Variants in EEF2K observed in about 807,000 individuals in gnomAD.
EEF2K encodes alternative protein EEF2K.
EEF2K carries 70 observed loss-of-function variants against 93.8 expected under a neutral mutation model. The observed-to-expected ratio is 0.75, with a 90% CI of 0.62 to 0.91. EEF2K has a LOEUF of 0.91. Among genes scored for constraint, EEF2K ranks in the 40% least tolerant of loss-of-function variants. The probability of loss-of-function intolerance (pLI) is 0.00; values close to 1 mark genes in which losing one functional copy is unlikely to be tolerated. For synonymous variants in EEF2K, 376 were observed against 380.8 expected (o/e 0.99, Z 0.15); for missense variants, 935 against 972.9 (o/e 0.96, Z 0.52).
At chr16:22,241,813 T>A (rs927044603) in intron 2 of EEF2K, among the ~76,000 whole-genome samples, 13 of 152,036 alleles carry the variant, frequency 8.6e-5, no homozygotes, top group African/African-American at 2.9e-4. Context: ...AGGCTTTATT[T>A]TTTGAACTCT....
intron 1 of EEF2K, among the ~76,000 whole-genome samples, chr16:22,208,379 TG>T (rs1248214403): frequency 1.3e-5 from 2 of 152,046 alleles, no homozygotes; most frequent in African/African-American, 4.8e-5. Context: ...AAAAATTAGC[TG>T]GGCATGTTGG....
chr16:22,277,261 C>T (rs1425678682), intron 16 of EEF2K, among the ~76,000 whole-genome samples: 2 of 152,058 alleles, frequency 1.3e-5, no homozygotes, highest in East Asian at 1.9e-4. Flanking sequence ...CTCAGCCTCT[C>T]GAGTAGCTGG....
rs1489802903 is a variant in EEF2K, at chr16:22,249,178, C to G, written c.408+363C>G. Among the ~76,000 whole-genome samples, 3 of 151,454 alleles carry G rather than the reference C, an allele frequency of 2.0e-5. No homozygotes were observed. In the East Asian group the frequency reaches 5.8e-4, roughly 29 times the overall value. ...AGAGACATGGGTTCCACTATGTTGC[C>G]CAGGCTGGTCTCAAACTCCTGGGCT... On this transcript the variant is annotated intron_variant, in intron 4 of 17. Transcript: ENST00000263026.
chr16:22,247,840 CTA>C (rs2047310640), intron 3 of EEF2K, among the ~76,000 whole-genome samples: 1 of 152,094 alleles, frequency 6.6e-6, no homozygotes, highest in African/African-American at 2.4e-5. Flanking sequence ...CTTCTCCTGT[CTA>C]GACTCAGAGA....
At chr16:22,217,253 G>A (rs1198218506) in intron 1 of EEF2K, among the ~76,000 whole-genome samples, 1 of 145,062 alleles carries the variant, frequency 6.9e-6, no homozygotes, top group East Asian at 2.2e-4. Context: ...AGAGAGATGC[G>A]AAGGATAACA....
At chr16:22,244,185 C>T (rs1055569464) in intron 2 of EEF2K, among the ~76,000 whole-genome samples, 17 of 151,612 alleles carry the variant, frequency 1.1e-4, no homozygotes, top group African/African-American at 3.6e-4. Context: ...GCCAAGATCA[C>T]ATCACTGCAC....
At chr16:22,257,596 C>T (rs369650603) in intron 8 of EEF2K, 47 bp from the exon 9 acceptor site, 40 of 1,599,960 alleles carry the variant, frequency 2.5e-5, no homozygotes, top group African/African-American at 1.9e-4. Flanking sequence ...GCCTGTCCCC[C>T]GTCACAGAGC....
rs1293979221 is a variant in EEF2K, at chr16:22,242,531, C to T, written c.247-2099C>T. On this transcript the variant is annotated intron_variant, in intron 2 of 17. Coordinates refer to ENST00000263026, the MANE Select transcript of EEF2K (RefSeq NM_013302.5). ...TTCACCACGTTGGCCAGGCTGGTCT[C>T]GAGCTCCTGACCTTGGATGATCCAT... 2.0e-5 allele frequency among the ~76,000 whole-genome samples: 3 copies of T among 151,524 alleles called. No homozygotes were observed. In the South Asian group the frequency reaches 6.2e-4, roughly 32 times the overall value.
intron 15 of EEF2K, among the ~76,000 whole-genome samples, chr16:22,267,586 TC>T (rs961265240): frequency 1.1e-4 from 17 of 149,324 alleles, no homozygotes; most frequent in African/African-American, 3.8e-4. Context: ...CAGAGTGAGA[TC>T]CTGTCTCCAA....
intron 1 of EEF2K, among the ~76,000 whole-genome samples, chr16:22,220,206 C>T (rs573176223): frequency 6.6e-6 from 1 of 152,314 alleles, no homozygotes; most frequent in African/African-American, 2.4e-5. Context: ...AAACAGATGA[C>T]ACTCACTTAG....
At chr16:22,253,530 C>T (rs900285546) in intron 6 of EEF2K, among the ~76,000 whole-genome samples, 3 of 152,084 alleles carry the variant, frequency 2.0e-5, no homozygotes, top group Admixed American at 1.3e-4. Flanking sequence ...CTTGTGTCAC[C>T]GTAATTCTTG....
intron 1 of EEF2K, 132 bp from the exon 2 acceptor site, chr16:22,225,522 C>G: frequency 1.4e-6 from 1 of 690,330 alleles, no homozygotes; most frequent in Non-Finnish European, 2.3e-6. Flanking sequence ...ACTGCCTCCC[C>G]AAAAGATAGC....
intron 2 of EEF2K, among the ~76,000 whole-genome samples, chr16:22,234,627 C>T (rs550669700): frequency 2.4e-4 from 36 of 152,100 alleles, no homozygotes; most frequent in African/African-American, 8.7e-4. Context: ...TATTCAAAGC[C>T]TTTGAGTATA....
chr16:22,240,896 A>C (rs2047215285), intron 2 of EEF2K, among the ~76,000 whole-genome samples: 1 of 151,934 alleles, frequency 6.6e-6, no homozygotes, highest in Non-Finnish European at 1.5e-5. Context: ...CAGCCTCCCA[A>C]GTAGCTGGGA....
chr16:22,277,597 C>A (rs1472425221), intron 16 of EEF2K, among the ~76,000 whole-genome samples: 1 of 152,196 alleles, frequency 6.6e-6, no homozygotes, highest in African/African-American at 2.4e-5. Context: ...GGGTCTCCTG[C>A]CTTCATGGGG....
intron 2 of EEF2K, among the ~76,000 whole-genome samples, chr16:22,233,877 G>A (rs1453282805): frequency 1.3e-5 from 2 of 152,104 alleles, no homozygotes; most frequent in African/African-American, 4.8e-5. Context: ...TCAGCCTCCC[G>A]AGTAGCTGGG....
intron 16 of EEF2K, 61 bp downstream of exon 16, chr16:22,273,811 C>T: frequency 6.3e-7 from 1 of 1,595,130 alleles, no homozygotes; most frequent in South Asian, 1.1e-5. Flanking sequence ...GGGCGCTTGT[C>T]CTCGGTATCA....
chr16:22,236,934 CTTTTTTTTTTTTT>C (rs71151665), intron 2 of EEF2K, among the ~76,000 whole-genome samples: 38 of 56,228 alleles, frequency 6.8e-4, no homozygotes, highest in African/African-American at 1.5e-3. Flanking sequence ...CCACAGACCT[CTTTTTTTTTTTTT>C]TTTTTTTTTT....
intron 17 of EEF2K, among the ~76,000 whole-genome samples, chr16:22,283,032 T>C (rs1250193717): frequency 6.6e-6 from 1 of 152,082 alleles, no homozygotes; most frequent in African/African-American, 2.4e-5. Flanking sequence ...AAATCTAGGC[T>C]GGGCAGTGGC....
Sources: gnomAD v4.1 joint callset for allele counts (sites outside exome capture counted in the v4.1 genomes callset) on GRCh38, gnomAD v4.1.1 for gene constraint, MANE v1.5 for transcripts, NCBI Gene and HGNC (gene_info 2026-07-23, HGNC 2026-07-21) for gene names.